The following PAQR5 variants were observed in gnomAD, a reference collection of about 807,000 sequenced individuals.
PAQR5 encodes the protein progestin and adipoQ receptor family member 5.
In PAQR5, 20 loss-of-function variants were observed where a neutral mutation model predicts 34.5. The observed-to-expected ratio is 0.58, with a 90% CI of 0.41 to 0.84. The LOEUF (loss-of-function observed/expected upper bound fraction) is 0.84, where lower values mean the gene tolerates loss of function less well. PAQR5 is among the 40% of genes least tolerant of loss of function. PAQR5 has a pLI of 0.00. For missense variants in PAQR5, 378 were observed against 412.7 expected (o/e 0.92, Z 0.73); for synonymous variants, 131 against 155.6 (o/e 0.84, Z 1.18).
chr15:69,317,740 C>T (rs574591420), intron 1 of PAQR5, among the ~76,000 whole-genome samples: 1 of 152,130 alleles, frequency 6.6e-6, no homozygotes, highest in Non-Finnish European at 1.5e-5. Context: ...GAAATGCACC[C>T]GGGGTGCTAT....
intron 1 of PAQR5, among the ~76,000 whole-genome samples, chr15:69,300,637 CTT>C (rs1403906769): frequency 4.3e-4 from 17 of 39,734 alleles, no homozygotes; most frequent in Non-Finnish European, 6.4e-4. Flanking sequence ...TTCTTTCTTT[CTT>C]TCTTTCTTTC....
intron 1 of PAQR5, among the ~76,000 whole-genome samples, chr15:69,307,507 A>T (rs998033908): frequency 6.6e-6 from 1 of 152,154 alleles, no homozygotes. Flanking sequence ...TGCAGGAAGA[A>T]AGTGGTGCTG....
At chr15:69,323,418 G>A (rs972663761) in intron 1 of PAQR5, among the ~76,000 whole-genome samples, 1 of 152,192 alleles carries the variant, frequency 6.6e-6, no homozygotes, top group Admixed American at 6.5e-5. Context: ...GAGCTGTTAG[G>A]CTTTAGGACT....
At chr15:69,373,621 C>T (rs778429887) in intron 3 of PAQR5, among the ~76,000 whole-genome samples, 2 of 151,930 alleles carry the variant, frequency 1.3e-5, no homozygotes, top group East Asian at 1.9e-4. Context: ...TTTCTTTTTT[C>T]GAGTCAGAGT....
chr15:69,380,280 A>G (rs2055847010), intron 4 of PAQR5: 4 of 369,792 alleles, frequency 1.1e-5, no homozygotes, highest in Non-Finnish European at 2.0e-5. Flanking sequence ...CCGGTGCCTG[A>G]TATGATAGCA....
chr15:69,378,464 G>C (rs1200238764), intron 3 of PAQR5, among the ~76,000 whole-genome samples: 2 of 140,264 alleles, frequency 1.4e-5, no homozygotes, highest in Admixed American at 1.4e-4. Flanking sequence ...AAAAAAGAGA[G>C]AGAGAGATAG....
At chr15:69,380,560 G>T (rs2055855781) in intron 4 of PAQR5, among the ~76,000 whole-genome samples, 1 of 152,326 alleles carries the variant, frequency 6.6e-6, no homozygotes, top group South Asian at 2.1e-4. Context: ...TGTAGATGGA[G>T]CCAGCTAAGA....
chr15:69,323,275 T>C (rs1595852697), intron 1 of PAQR5, among the ~76,000 whole-genome samples: 1 of 152,244 alleles, frequency 6.6e-6, no homozygotes, highest in Admixed American at 6.5e-5. Context: ...ATAGGTCTAC[T>C]AGCAGATGGC....
chr15:69,388,365 A>T (rs1426359979), intron 5 of PAQR5, among the ~76,000 whole-genome samples: 4 of 152,150 alleles, frequency 2.6e-5, no homozygotes, highest in Admixed American at 6.5e-5. Context: ...AGAATCCGGG[A>T]TGACCTACCA....
At chr15:69,378,120 C>T (rs761694549) in intron 3 of PAQR5, among the ~76,000 whole-genome samples, 8 of 151,568 alleles carry the variant, frequency 5.3e-5, no homozygotes, top group Non-Finnish European at 7.4e-5. Flanking sequence ...AAAAATTAGT[C>T]GGGCATTGTG....
intron 2 of PAQR5, among the ~76,000 whole-genome samples, chr15:69,355,284 TTTCTTTTC>T (rs1425993207): frequency 6.4e-4 from 96 of 150,552 alleles, no homozygotes; most frequent in Non-Finnish European, 5.8e-4. Flanking sequence ...TCTCTCTTTC[TTTCTTTTC>T]TTTCTTTCTT....
intron 6 of PAQR5, chr15:69,391,792 C>A (rs1373260199): frequency 9.3e-6 from 4 of 429,230 alleles, no homozygotes; most frequent in Non-Finnish European, 1.4e-5. Context: ...TGCAGTGGCT[C>A]ACACCTGTAA....
At chr15:69,317,586 A>G (rs1322753257) in intron 1 of PAQR5, among the ~76,000 whole-genome samples, 1 of 152,074 alleles carries the variant, frequency 6.6e-6, no homozygotes, top group African/African-American at 2.4e-5. Flanking sequence ...GAAATGGCTC[A>G]CCTACAGCTT....
intron 3 of PAQR5, among the ~76,000 whole-genome samples, chr15:69,367,838 G>A (rs1171989252): frequency 1.3e-5 from 2 of 152,188 alleles, no homozygotes; most frequent in Non-Finnish European, 2.9e-5. Context: ...CAGTCACTCA[G>A]GAGCTCTGGA....
intron 6 of PAQR5, among the ~76,000 whole-genome samples, chr15:69,393,200 T>G (rs2056319681): frequency 6.6e-6 from 1 of 151,828 alleles, no homozygotes; most frequent in Admixed American, 6.6e-5. Context: ...CCAGTGCCCT[T>G]TGTACCTCGT....
intron 1 of PAQR5, among the ~76,000 whole-genome samples, chr15:69,331,324 C>G (rs1423259936): frequency 2.0e-5 from 3 of 152,178 alleles, no homozygotes; most frequent in Admixed American, 1.3e-4. Flanking sequence ...TCAGTTGGCT[C>G]TTTCTAACTA....
chr15:69,355,316 CTTTCTTTCTTTCTTTCTTTCTTTCTTTT>C (rs201112129), intron 2 of PAQR5, among the ~76,000 whole-genome samples: 21 of 41,556 alleles, frequency 5.1e-4, no homozygotes, highest in South Asian at 1.4e-3. Flanking sequence ...TTCTTTCTTT[CTTTCTTTCTTTCTTTCTTTCTTTCTTTT>C]TTTCTTTCTT....
At chr15:69,366,879 T>C (rs987117291) in intron 3 of PAQR5, among the ~76,000 whole-genome samples, 1 of 152,190 alleles carries the variant, frequency 6.6e-6, no homozygotes, top group Non-Finnish European at 1.5e-5. Context: ...TATCCAAGTT[T>C]ATAATTGTCC....
chr15:69,318,940 C>T (rs2054017226), intron 1 of PAQR5, among the ~76,000 whole-genome samples: 1 of 151,410 alleles, frequency 6.6e-6, no homozygotes, highest in Non-Finnish European at 1.5e-5. Flanking sequence ...TTGAGACCAG[C>T]CTGGCCAACA....
Sources: allele counts gnomAD v4.1 joint callset (sites outside exome capture counted in the v4.1 genomes callset), GRCh38; gene constraint gnomAD v4.1.1; transcripts MANE v1.5; gene names NCBI Gene and HGNC (gene_info 2026-07-23, HGNC 2026-07-21).